Variants in RHOBTB1 observed in about 807,000 individuals in gnomAD.
The protein encoded by RHOBTB1 is Rho related BTB domain containing 1, also known as rho-related BTB domain-containing protein 1.
In RHOBTB1, 40 loss-of-function variants were observed where a neutral mutation model predicts 71.6. That is an observed-to-expected ratio of 0.56 (90% confidence interval 0.43 to 0.73). RHOBTB1 has a LOEUF of 0.73. Among genes scored for constraint, RHOBTB1 ranks in the 30% least tolerant of loss-of-function variants. RHOBTB1 has a pLI of 0.00. For synonymous variants in RHOBTB1, 319 were observed against 334.9 expected, an observed-to-expected ratio of 0.95 and a Z score of 0.52; for missense variants, 797 against 894.0, an observed-to-expected ratio of 0.89 and a Z score of 1.38.
chr10:60,886,319 A>C (rs1227965582), intron 6 of RHOBTB1, 89 bp from the exon 7 acceptor site: 2 of 805,464 alleles, frequency 2.5e-6, no homozygotes, highest in Admixed American at 2.1e-5. Context: ...CCAAACTGCG[A>C]CTCCCTTACT....
chr10:60,910,864 A>G, intron 4 of RHOBTB1, 23 bp downstream of exon 4: 1 of 1,568,072 alleles, frequency 6.4e-7, no homozygotes, highest in Non-Finnish European at 8.8e-7. Context: ...AAGCTCAACC[A>G]CGCTGTACTA....
intron 2 of RHOBTB1, 84 bp from the exon 3 acceptor site, chr10:60,911,636 CCTTCGTCCAGCCA>C (rs1196204425): frequency 3.5e-6 from 4 of 1,150,532 alleles, no homozygotes; most frequent in Non-Finnish European, 5.1e-6. Context: ...GGGAGTTTTG[CCTTCGTCCAGCCA>C]CTTCCTTGGA....
At position 60,958,876 on chromosome 10, in the gene RHOBTB1, C is replaced by T. The variant is rs537655700; in HGVS notation, c.-61-17022G>A. ...TAGGACTCCCAAAGTGCTGGGATTA[C>T]AGGTGTGAGGCACCGCACCTGGCCC... On this transcript the variant is annotated intron_variant, in intron 2 of 11. Coordinates refer to the RHOBTB1 transcript ENST00000357917. 5.3e-5 allele frequency among the ~76,000 whole-genome samples: 8 copies of T among 152,258 alleles called. No individual in the cohort carries two copies. The South Asian group carries it at 1.5e-3, about 28-fold the overall frequency.
At chr10:60,934,446 C>G (rs2084449038) in intron 2 of RHOBTB1, among the ~76,000 whole-genome samples, 1 of 152,166 alleles carries the variant, frequency 6.6e-6, no homozygotes, top group African/African-American at 2.4e-5. Context: ...CTGTTGAATG[C>G]TAGGTACAGG....
At chr10:60,926,333 C>G (rs1287619517) in intron 2 of RHOBTB1, among the ~76,000 whole-genome samples, 1 of 152,122 alleles carries the variant, frequency 6.6e-6, no homozygotes, top group Non-Finnish European at 1.5e-5. Flanking sequence ...CCTACTCAAG[C>G]TATTTCAAAA....
chr10:60,867,669 T>C (rs150103075), downstream of RHOBTB1, among the ~76,000 whole-genome samples: 268 of 152,326 alleles, frequency 1.8e-3, 1 homozygote, highest in African/African-American at 6.1e-3. Flanking sequence ...TGAGCACCTG[T>C]ATGTTAGCCC....
At chr10:60,996,472 A>G (rs2087053645) in intron 1 of RHOBTB1, among the ~76,000 whole-genome samples, 2 of 152,124 alleles carry the variant, frequency 1.3e-5, no homozygotes, top group South Asian at 4.1e-4. Flanking sequence ...CAGCCCAGAG[A>G]AAATAGCCTG....
At chr10:60,897,059 A>G (rs1168872087) in intron 4 of RHOBTB1, among the ~76,000 whole-genome samples, 1 of 152,226 alleles carries the variant, frequency 6.6e-6, no homozygotes, top group African/African-American at 2.4e-5. Context: ...GAATAACATA[A>G]GGAGTACATG....
chr10:60,925,731 C>A lies in RHOBTB1; in HGVS notation c.-10-14179G>T, dbSNP rs1323472030. Among the ~76,000 whole-genome samples, 4 of 152,158 alleles carry A rather than the reference C, an allele frequency of 2.6e-5. No individual in the cohort carries two copies. The South Asian group carries it at 6.2e-4, about 24-fold the overall frequency. On this transcript the variant is annotated intron_variant, in intron 2 of 10. Transcript: ENST00000337910. ...AATCACATATAAAAAAGAGATGTTACAACTGATACTGCTGAAATTCAAAGA... is the reference window on the plus strand; with the variant it reads ...AATCACATATAAAAAAGAGATGTTAAAACTGATACTGCTGAAATTCAAAGA...
intron 1 of RHOBTB1, among the ~76,000 whole-genome samples, chr10:60,995,569 A>C (rs1178635791): frequency 6.6e-6 from 1 of 152,244 alleles, no homozygotes; most frequent in African/African-American, 2.4e-5. Flanking sequence ...AAAAGATGGC[A>C]AACCTGCTAT....
chr10:60,988,433 C>T (rs1201074196), intron 1 of RHOBTB1, among the ~76,000 whole-genome samples: 2 of 151,716 alleles, frequency 1.3e-5, no homozygotes, highest in African/African-American at 2.4e-5. Context: ...TAGTACCCAA[C>T]TGGTAGTTGT....
intron 9 of RHOBTB1, 24 bp downstream of exon 9, chr10:60,874,930 G>T (rs771261769): frequency 3.3e-6 from 5 of 1,515,498 alleles, no homozygotes; most frequent in Middle Eastern, 3.4e-4. Flanking sequence ...ACACTTAAAA[G>T]GTAAAAAGCA....
intron 2 of RHOBTB1, among the ~76,000 whole-genome samples, chr10:60,920,746 C>T (rs57003615): frequency 0.06 from 9,065 of 151,826 alleles, 534 homozygotes; most frequent in African/African-American, 0.15. Flanking sequence ...ACCTCCACCT[C>T]TCGGCTCAGG....
At chr10:60,900,380 G>C (rs1357201172) in intron 4 of RHOBTB1, among the ~76,000 whole-genome samples, 1 of 152,172 alleles carries the variant, frequency 6.6e-6, no homozygotes, top group Non-Finnish European at 1.5e-5. Context: ...ATAGCCTGAG[G>C]ATCAGATGTG....
chr10:60,952,754 G>GT (rs1358987744), intron 2 of RHOBTB1, among the ~76,000 whole-genome samples: 1 of 151,942 alleles, frequency 6.6e-6, no homozygotes, highest in Non-Finnish European at 1.5e-5. Flanking sequence ...TTAAACTCAG[G>GT]TAAACTACCT....
In RHOBTB1 at chr10:60,888,930, T is replaced by C. The variant is rs148015761; in HGVS notation, c.738A>G (p.Pro246=). 110 of 1,614,072 alleles carry C rather than the reference T, an allele frequency of 6.8e-5. No individual in the cohort carries two copies. Among genetic ancestry groups the C allele is most frequent in the African/African-American group, 1.1e-4 (8 of 74,930 alleles). The change falls in exon 6 of 11, where the codon CCA becomes CCG. Residue 246 remains proline, a synonymous_variant. Coordinates refer to ENST00000337910, the MANE Select transcript of RHOBTB1 (RefSeq NM_014836.5). ...CATTTGTCCCCATGGAAGGACACTC[T>C]GGAATTTTGATGACCGGTGGAGGGG... ...PKAPPPVIKI[P]ECPSMGTNEA...
chr10:60,909,318 CT>C (rs925521834), intron 4 of RHOBTB1, among the ~76,000 whole-genome samples: 8 of 151,478 alleles, frequency 5.3e-5, no homozygotes, highest in East Asian at 1.9e-4. Flanking sequence ...GTTGTTTTCT[CT>C]TTTTTTTTCT....
chr10:60,902,988 G>A (rs181791610), intron 4 of RHOBTB1, among the ~76,000 whole-genome samples: 1 of 152,258 alleles, frequency 6.6e-6, no homozygotes, highest in East Asian at 1.9e-4. Context: ...TAAGGGGAAT[G>A]GGAGAAAATT....
intron 2 of RHOBTB1, among the ~76,000 whole-genome samples, chr10:60,981,441 A>T (rs2086492634): frequency 1.3e-5 from 2 of 152,214 alleles, no homozygotes; most frequent in African/African-American, 4.8e-5. Flanking sequence ...TAGGTAAATT[A>T]TCCAAGGTCA....
Sources: allele counts gnomAD v4.1 joint callset (sites outside exome capture counted in the v4.1 genomes callset), GRCh38; gene constraint gnomAD v4.1.1; transcripts MANE v1.5; gene names NCBI Gene and HGNC (gene_info 2026-07-23, HGNC 2026-07-21).